The following ARHGAP44 variants were observed in gnomAD, a reference collection of about 807,000 sequenced individuals.
The protein encoded by ARHGAP44 is Rho GTPase activating protein 44.
Under a neutral mutation model 106.8 loss-of-function variants are expected in ARHGAP44, and 43 were observed. That is an observed-to-expected ratio of 0.40 (90% CI 0.32 to 0.52). ARHGAP44 has a LOEUF of 0.52. Ranked by LOEUF, ARHGAP44 falls within the 20% of genes least tolerant of loss-of-function variation. The pLI, the probability that ARHGAP44 is intolerant of heterozygous loss-of-function variation, is 0.48. For missense variants in ARHGAP44, 866 were observed against 1,050.5 expected (o/e 0.82, Z 2.43); for synonymous variants, 439 against 410.3 (o/e 1.07, Z -0.85).
chr17:12,954,701 C>A (rs993552012), intron 13 of ARHGAP44, among the ~76,000 whole-genome samples: 8 of 152,120 alleles, frequency 5.3e-5, no homozygotes, highest in African/African-American at 9.7e-5. Context: ...CCAGAGAAAA[C>A]ATGTCTTCTC....
chr17:12,932,714 T>C (rs769646295), intron 7 of ARHGAP44, among the ~76,000 whole-genome samples: 50 of 151,912 alleles, frequency 3.3e-4, no homozygotes, highest in Non-Finnish European at 1.8e-4. Context: ...TTCTTTCTTT[T>C]TTTTTTTTCC....
chr17:12,908,819 A>C, intron 3 of ARHGAP44, 78 bp from the exon 4 acceptor site: 2 of 1,150,954 alleles, frequency 1.7e-6, no homozygotes, highest in Middle Eastern at 3.9e-4. Context: ...CTTGGCAAGT[A>C]TTTGACTTTT....
intron 13 of ARHGAP44, among the ~76,000 whole-genome samples, chr17:12,954,700 A>G (rs2039084811): frequency 6.6e-6 from 1 of 151,932 alleles, no homozygotes; most frequent in South Asian, 2.1e-4. Context: ...GCCAGAGAAA[A>G]CATGTCTTCT....
intron 1 of ARHGAP44, among the ~76,000 whole-genome samples, chr17:12,832,101 G>A (rs2035106798): frequency 6.6e-6 from 1 of 152,194 alleles, no homozygotes; most frequent in Non-Finnish European, 1.5e-5. Context: ...AACTTCAGTA[G>A]AGAAAGAGTT....
chr17:12,884,545 A>G (rs553988569), intron 1 of ARHGAP44, among the ~76,000 whole-genome samples: 46 of 152,302 alleles, frequency 3.0e-4, no homozygotes, highest in African/African-American at 1.1e-3. Context: ...TTTACTTTTA[A>G]AATTTACATG....
intron 3 of ARHGAP44, among the ~76,000 whole-genome samples, chr17:12,906,273 C>T (rs1195108361): frequency 6.6e-6 from 1 of 152,186 alleles, no homozygotes; most frequent in Non-Finnish European, 1.5e-5. Context: ...TTTCTCCACA[C>T]ACCAAGCAGT....
At position 12,941,052 on chromosome 17, in the gene ARHGAP44, A is replaced by G; in HGVS notation, c.583-4A>G. The G allele has an allele frequency of 6.2e-7, 1 of 1,613,838 alleles. No homozygotes were observed. Among genetic ancestry groups the G allele is most frequent in the Non-Finnish European group, 8.5e-7 (1 of 1,179,824 alleles). On this transcript the variant is annotated splice_region_variant and splice_polypyrimidine_tract_variant and intron_variant, in intron 7 of 20. Coordinates refer to ENST00000379672, the MANE Select transcript of ARHGAP44 (RefSeq NM_014859.6). ...ACCTTGGTTGTATATTTTACCTTGC[A>G]CAGGACCAGCTCTCAGCTGATATGT... is the stretch of plus-strand genomic sequence containing the variant.
In ARHGAP44 at chr17:12,868,680, G is replaced by A. The variant is rs1225511639; in HGVS notation, c.54-26260G>A. On this transcript the variant is annotated intron_variant, in intron 1 of 20. Coordinates refer to ENST00000379672, the MANE Select transcript of ARHGAP44 (RefSeq NM_014859.6). ...ATTTTTTTAATTTTTTTTCTGAGAC[G>A]GAGTTTTGCTCTGTCACCTAGAGCT... 3.7e-5 allele frequency among the ~76,000 whole-genome samples: 5 copies of A among 136,586 alleles called. No homozygotes were observed. The East Asian group carries it at 6.6e-4, about 18-fold the overall frequency. 89.6% of individuals were successfully genotyped at this position (136,586 alleles called of 152,430 possible).
intron 1 of ARHGAP44, among the ~76,000 whole-genome samples, chr17:12,808,201 T>C (rs1466376026): frequency 1.3e-5 from 2 of 152,222 alleles, no homozygotes; most frequent in Non-Finnish European, 2.9e-5. Flanking sequence ...TTTCATGGGC[T>C]AGCATTGAGT....
intron 1 of ARHGAP44, among the ~76,000 whole-genome samples, chr17:12,876,349 C>A: frequency 6.6e-6 from 1 of 152,192 alleles, no homozygotes; most frequent in South Asian, 2.1e-4. Flanking sequence ...TGCCTCTTGA[C>A]CAGCCCTGGT....
chr17:12,852,033 G>A (rs139168607), intron 1 of ARHGAP44, among the ~76,000 whole-genome samples: 1 of 150,970 alleles, frequency 6.6e-6, no homozygotes, highest in Admixed American at 6.6e-5. Flanking sequence ...TCCACCTCAA[G>A]GGTTCTTGGA....
intron 1 of ARHGAP44, among the ~76,000 whole-genome samples, chr17:12,799,378 C>T (rs922402055): frequency 1.3e-5 from 2 of 152,162 alleles, no homozygotes; most frequent in African/African-American, 2.4e-5. Context: ...AGCTCTCCTC[C>T]GTGTGTGATT....
At chr17:12,805,046 G>C (rs1472551720) in intron 1 of ARHGAP44, among the ~76,000 whole-genome samples, 1 of 152,176 alleles carries the variant, frequency 6.6e-6, no homozygotes, top group Non-Finnish European at 1.5e-5. Context: ...TGAAATAGAG[G>C]TGGTATCTTT....
rs2039609038 is a variant in ARHGAP44, at chr17:12,974,228, C to T, written c.1681C>T (p.Pro561Ser). The change falls in exon 18 of 21, where the codon CCG becomes TCG. Residue 561 changes from proline (P) to serine (S), a missense_variant. Physicochemically the swap from Pro to Ser is moderately conservative, Grantham distance 74. Around this residue, in one of 2 missense-constraint regions of ARHGAP44, gnomAD observed 418 missense variants for 403.6 expected, o/e 1.04. Transcript: ENST00000379672. Reference sequence around the variant, plus strand: ...GGCTGCGCCCCTGCCTTCGCCGCTGCCGGAGCAGCCCCTGGACAGCCCCGC... The same window carrying T: ...GGCTGCGCCCCTGCCTTCGCCGCTGTCGGAGCAGCCCCTGGACAGCCCCGC... Reference protein sequence around the residue: ...ELAAPLPSPLPEQPLDSPAAP... With the variant: ...ELAAPLPSPLSEQPLDSPAAP... The T allele has an allele frequency of 6.5e-7, 1 of 1,545,844 alleles. No homozygotes were observed. The highest frequency in any genetic ancestry group is 1.4e-5 in the African/African-American group (1 of 72,992).
chr17:12,876,480 T>C (rs1184414700), intron 1 of ARHGAP44, among the ~76,000 whole-genome samples: 1 of 152,076 alleles, frequency 6.6e-6, no homozygotes, highest in African/African-American at 2.4e-5. Flanking sequence ...CACATTAAAA[T>C]AGTGATACAA....
At chr17:12,907,201 G>A (rs992727429) in intron 3 of ARHGAP44, among the ~76,000 whole-genome samples, 4 of 152,208 alleles carry the variant, frequency 2.6e-5, no homozygotes, top group Admixed American at 6.5e-5. Context: ...GAAGACCTGA[G>A]AAGGTGCTAG....
chr17:12,977,637 C>T (rs113248519), intron 18 of ARHGAP44, among the ~76,000 whole-genome samples: 87 of 152,266 alleles, frequency 5.7e-4, no homozygotes, highest in African/African-American at 2.1e-3. Context: ...GTTCAGGTAG[C>T]GCCCCTAGTA....
intron 1 of ARHGAP44, among the ~76,000 whole-genome samples, chr17:12,814,977 G>T (rs181477959): frequency 2.0e-4 from 31 of 152,150 alleles, no homozygotes; most frequent in Admixed American, 9.8e-4. Flanking sequence ...TTTTCTTCCC[G>T]ACTCTCCTCA....
chr17:12,828,552 A>T lies in ARHGAP44; in HGVS notation c.53+38661A>T, dbSNP rs967082945. On this transcript the variant is annotated intron_variant, in intron 1 of 20. Coordinates refer to ENST00000379672, the MANE Select transcript of ARHGAP44 (RefSeq NM_014859.6). Reference sequence around the variant, plus strand: ...TGAATCATCTGGGCATTACTGGGATATGTACTACTTAATTATGATATATTT... The same window carrying T: ...TGAATCATCTGGGCATTACTGGGATTTGTACTACTTAATTATGATATATTT... Among the ~76,000 whole-genome samples, 5 of 150,746 alleles carry T rather than the reference A, an allele frequency of 3.3e-5. No individual in the cohort carries two copies. In the East Asian group the frequency reaches 9.8e-4, roughly 29 times the overall value.
Sources: gnomAD v4.1 joint callset for allele counts (sites outside exome capture counted in the v4.1 genomes callset) on GRCh38, gnomAD v4.1.1 for gene constraint, gnomAD v4.1.1 regional missense constraint, MANE v1.5 for transcripts, NCBI Gene and HGNC (gene_info 2026-07-23, HGNC 2026-07-21) for gene names.